RAB35: variants seen among roughly 807,000 people sequenced by gnomAD.
RAB35 encodes RAB35, member RAS oncogene family.
RAB35 carries 4 observed loss-of-function variants against 28.9 expected under a neutral mutation model. That is an observed-to-expected ratio of 0.14 (90% CI 0.07 to 0.32). The LOEUF is 0.32. RAB35 is among the 10% of genes least tolerant of loss of function. The pLI, the probability that RAB35 is intolerant of heterozygous loss-of-function variation, is 1.00. For synonymous variants in RAB35, 99 were observed against 105.1 expected, an observed-to-expected ratio of 0.94 and a Z score of 0.35; for missense variants, 128 against 274.0, an observed-to-expected ratio of 0.47 and a Z score of 3.76.
chr12:120,108,326 C>T lies in RAB35; in HGVS notation c.103+91G>A, dbSNP rs7294967. 1,559 of 1,337,234 alleles carry T rather than the reference C, an allele frequency of 1.2e-3. 17 individuals are homozygous for T. The African/African-American group carries it at 0.014, about 12-fold the overall frequency. 82.8% of individuals were successfully genotyped at this position (1,337,234 alleles called of 1,614,324 possible). ...ACCAGAATGAGACAGTTCCCAACAT[C>T]AGGCAGAGGCAACTCTGTTTGGTGC... On this transcript the variant is annotated intron_variant, in intron 2 of 5. Transcript: ENST00000229340.
intron 2 of RAB35, among the ~76,000 whole-genome samples, chr12:120,105,916 CAAAAA>C (rs61681731): frequency 1.0e-4 from 5 of 49,816 alleles, no homozygotes; most frequent in African/African-American, 2.0e-4. Flanking sequence ...GACTCCGTCT[CAAAAA>C]AAAAAAAAAA....
In RAB35 at chr12:120,096,947, A is replaced by C; in HGVS notation, c.*298T>G. 1.4e-6 allele frequency: 2 copies of C among 1,395,682 alleles called. No homozygotes were observed. The highest frequency in any genetic ancestry group is 1.9e-6 in the Non-Finnish European group (2 of 1,057,918). The allele number at this position is 1,395,682 out of a possible 1,614,324, so 86.5% of individuals were successfully genotyped here. ...ACGTGGTGTGCGGCCGGGTAGAGCA[A>C]TATACACTATGTACAGACTCTGCGA... On this transcript the variant is annotated 3_prime_UTR_variant, in exon 6 of 6. Coordinates refer to ENST00000229340, the MANE Select transcript of RAB35 (RefSeq NM_006861.7).
At chr12:120,102,806 G>A (rs1004226830) in intron 3 of RAB35, among the ~76,000 whole-genome samples, 1 of 152,104 alleles carries the variant, frequency 6.6e-6, no homozygotes, top group Non-Finnish European at 1.5e-5. Flanking sequence ...TTCCTCATTC[G>A]CCTTCCTGAG....
intron 1 of RAB35, among the ~76,000 whole-genome samples, chr12:120,113,601 G>A (rs911359451): frequency 7.9e-5 from 12 of 152,198 alleles, no homozygotes; most frequent in African/African-American, 1.4e-4. Flanking sequence ...GGCGGATCAC[G>A]AGGTCAGGAG....
Position 120,097,002 on chromosome 12 carries a change from C to A in RAB35, c.*243G>T. On this transcript the variant is annotated 3_prime_UTR_variant, in exon 6 of 6. Coordinates refer to ENST00000229340, the MANE Select transcript of RAB35 (RefSeq NM_006861.7). Reference sequence around the variant, plus strand: ...GTCCGCTCGGCGGGCAGCGTCCTCGCCAGGTCCAGGCGCCTTGGCCGGGGA... The same window carrying A: ...GTCCGCTCGGCGGGCAGCGTCCTCGACAGGTCCAGGCGCCTTGGCCGGGGA... 1 of 1,502,100 alleles carries A rather than the reference C, an allele frequency of 6.7e-7. No individual in the cohort carries two copies. Among genetic ancestry groups the A allele is most frequent in the South Asian group, 1.2e-5 (1 of 83,040 alleles). 93.0% of individuals were successfully genotyped at this position (1,502,100 alleles called of 1,614,324 possible). A position where few individuals can be genotyped will look rare whatever the true frequency, so the allele number is the denominator to read the frequency against.
intron 5 of RAB35, among the ~76,000 whole-genome samples, chr12:120,098,125 C>T (rs1331716218): frequency 6.6e-6 from 1 of 152,186 alleles, no homozygotes; most frequent in Admixed American, 6.5e-5. Context: ...ACCTCGTGAT[C>T]CGCCCGCCTC....
rs754971807 is a variant in RAB35, at chr12:120,097,156, C to T, written c.*89G>A. ...GGAGAGAATTCTTTAAATAACGGCA[C>T]GAAACTGAGACTGTCCCCCGAGGAA... On this transcript the variant is annotated 3_prime_UTR_variant, in exon 6 of 6. Transcript: ENST00000229340. 34 of 1,611,740 alleles carry T rather than the reference C, an allele frequency of 2.1e-5. No individual in the cohort carries two copies. Among genetic ancestry groups the T allele is most frequent in the South Asian group, 1.7e-4 (15 of 90,776 alleles).
intron 1 of RAB35, among the ~76,000 whole-genome samples, chr12:120,114,929 T>C (rs1328818598): frequency 6.6e-6 from 1 of 152,084 alleles, no homozygotes; most frequent in Non-Finnish European, 1.5e-5. Context: ...AAGAGAGAAA[T>C]GGCCCCAGTG....
intron 3 of RAB35, among the ~76,000 whole-genome samples, chr12:120,101,232 C>T (rs1875644338): frequency 6.6e-6 from 1 of 152,326 alleles, no homozygotes; most frequent in East Asian, 1.9e-4. Context: ...GTATCCATTA[C>T]CTTATTAATG....
chr12:120,102,412 C>T (rs1232308951), intron 3 of RAB35, among the ~76,000 whole-genome samples: 7 of 152,232 alleles, frequency 4.6e-5, no homozygotes. Flanking sequence ...TTCTCACTGG[C>T]AGCTGCCAAG....
At chr12:120,104,655 TG>T (rs11416731) in intron 2 of RAB35, among the ~76,000 whole-genome samples, 43 of 150,756 alleles carry the variant, frequency 2.9e-4, no homozygotes, top group African/African-American at 6.3e-4. Context: ...TTTTTTTTGG[TG>T]GGGGGGGGAC....
At chr12:120,101,135 C>T (rs908635306) in intron 3 of RAB35, among the ~76,000 whole-genome samples, 1 of 152,214 alleles carries the variant, frequency 6.6e-6, no homozygotes, top group African/African-American at 2.4e-5. Context: ...TAGGAGGAAC[C>T]GGAGCACCGA....
At chr12:120,110,289 C>CTTTTTTTTTTTTTTTTTTTTTTTTT (rs1430969524) in intron 1 of RAB35, among the ~76,000 whole-genome samples, 5 of 24,964 alleles carry the variant, frequency 2.0e-4, no homozygotes, top group African/African-American at 9.5e-4. Flanking sequence ...AAGCCCACAG[C>CTTTTTTTTTTTTTTTTTTTTTTTTT]ATTTTTTTTT....
chr12:120,113,560 T>C (rs1222701674), intron 1 of RAB35, among the ~76,000 whole-genome samples: 1 of 152,160 alleles, frequency 6.6e-6, no homozygotes, highest in Non-Finnish European at 1.5e-5. Context: ...GGCTCACGCC[T>C]GTAATCCCAG....
At chr12:120,099,353 C>T in intron 3 of RAB35, 199 bp from the exon 4 acceptor site, 2 of 686,646 alleles carry the variant, frequency 2.9e-6, no homozygotes. Context: ...ACTGACTCCC[C>T]CTGCCCGCCC....
chr12:120,112,764 A>C (rs142664805), intron 1 of RAB35, among the ~76,000 whole-genome samples: 2 of 145,084 alleles, frequency 1.4e-5, no homozygotes, highest in African/African-American at 2.5e-5. Context: ...TCATTCTGTC[A>C]CCCAGGCTGG....
At position 120,112,584 on chromosome 12, in the gene RAB35, C is replaced by A. The variant is rs80351381; in HGVS notation, c.52+4015G>T. ...TAGCTGAGACCACAGGCGTGCACCA[C>A]CATGCCCTGCTAATTTTCTTCTTTT... On this transcript the variant is annotated intron_variant, in intron 1 of 5. Coordinates refer to ENST00000229340, the MANE Select transcript of RAB35 (RefSeq NM_006861.7). 5.9e-3 allele frequency among the ~76,000 whole-genome samples: 896 copies of A among 152,144 alleles called. 9 individuals carry two copies. Among genetic ancestry groups the A allele is most frequent in the African/African-American group, 0.02 (820 of 41,484 alleles).
chr12:120,097,028 G>A lies in RAB35; in HGVS notation c.*217C>T, dbSNP rs1406992354. 2.0e-6 allele frequency: 3 copies of A among 1,517,856 alleles called. No individual in the cohort carries two copies. The African/African-American group carries it at 4.1e-5, about 21-fold the overall frequency. 94.0% of individuals were successfully genotyped at this position (1,517,856 alleles called of 1,614,324 possible). On this transcript the variant is annotated 3_prime_UTR_variant, in exon 6 of 6. Transcript: ENST00000229340. ...CAGGTCCAGGCGCCTTGGCCGGGGAGGAGGGGGCACCAGTAGGGAAGGGCG... is the reference window on the plus strand; with the variant it reads ...CAGGTCCAGGCGCCTTGGCCGGGGAAGAGGGGGCACCAGTAGGGAAGGGCG...
intron 2 of RAB35, among the ~76,000 whole-genome samples, chr12:120,107,824 G>A (rs984508171): frequency 7.0e-5 from 9 of 128,220 alleles, no homozygotes; most frequent in Admixed American, 1.0e-4. Context: ...CCGAAATCGC[G>A]CCACTGCACT....
Sources: gnomAD v4.1 joint callset for allele counts (sites outside exome capture counted in the v4.1 genomes callset) on GRCh38, gnomAD v4.1.1 for gene constraint, MANE v1.5 for transcripts, NCBI Gene and HGNC (gene_info 2026-07-23, HGNC 2026-07-21) for gene names.